The following TAFA5 variants were observed in gnomAD, a reference collection of about 807,000 sequenced individuals.
TAFA5 encodes the protein TAFA chemokine like family member 5.
Under a neutral mutation model 15.3 loss-of-function variants are expected in TAFA5, and 6 were observed. The ratio of observed to expected loss-of-function variants is 0.39; its 90% CI spans 0.21 to 0.77. The LOEUF is 0.77. Ranked by LOEUF, TAFA5 falls within the 30% of genes least tolerant of loss-of-function variation. TAFA5 has a pLI of 0.41. For synonymous variants in TAFA5, 103 were observed against 80.7 expected, an observed-to-expected ratio of 1.28 and a Z score of -1.48; for missense variants, 161 against 193.1, an observed-to-expected ratio of 0.83 and a Z score of 0.98.
chr22:48,554,337 C>A (rs2147128259), intron 1 of TAFA5, among the ~76,000 whole-genome samples: 1 of 152,276 alleles, frequency 6.6e-6, no homozygotes, highest in African/African-American at 2.4e-5. Context: ...ATGAAGCTTT[C>A]CCATTTACTT....
chr22:48,532,968 G>A lies in TAFA5; in HGVS notation c.112+43264G>A, dbSNP rs539444751. On this transcript the variant is annotated intron_variant, in intron 1 of 3. Coordinates refer to ENST00000402357, the MANE Select transcript of TAFA5 (RefSeq NM_001082967.3). ...TCCAGACACTTGCCAAGGTCCCACC[G>A]CCTGTGGGTGGTAGAGCTTGAAGTG... Among the ~76,000 whole-genome samples, 82 of 152,350 alleles carry A rather than the reference G, an allele frequency of 5.4e-4. 1 individual carries two copies. The highest frequency in any genetic ancestry group is 1.9e-3 in the African/African-American group (78 of 41,580).
At chr22:48,699,173 T>C (rs1359084272) in intron 2 of TAFA5, among the ~76,000 whole-genome samples, 1 of 152,084 alleles carries the variant, frequency 6.6e-6, no homozygotes, top group African/African-American at 2.4e-5. Context: ...CCTCAGGTGA[T>C]CGACTAGCCT....
intron 1 of TAFA5, among the ~76,000 whole-genome samples, chr22:48,514,580 G>A (rs1921337247): frequency 6.6e-6 from 1 of 152,068 alleles, no homozygotes; most frequent in Non-Finnish European, 1.5e-5. Flanking sequence ...GAACCGCCCT[G>A]CAGACCCTGC....
At chr22:48,540,377 C>G (rs933939058) in intron 1 of TAFA5, among the ~76,000 whole-genome samples, 1 of 152,140 alleles carries the variant, frequency 6.6e-6, no homozygotes, top group African/African-American at 2.4e-5. Context: ...TGCCTGGACC[C>G]CCAGAGAATC....
chr22:48,663,792 C>A (rs1179872662), intron 2 of TAFA5, among the ~76,000 whole-genome samples: 2 of 152,180 alleles, frequency 1.3e-5, no homozygotes, highest in Non-Finnish European at 2.9e-5. Context: ...CACTAAGTAG[C>A]CGTCTTGGTT....
At position 48,667,820 on chromosome 22, in the gene TAFA5, A is replaced by G. The variant is rs1304866039; in HGVS notation, c.262+21074A>G. Among the ~76,000 whole-genome samples the G allele has an allele frequency of 0.012, 80 of 6,410 alleles. No individual in the cohort carries two copies. In the East Asian group the frequency reaches 0.29, roughly 23 times the overall value. 4.2% of individuals were successfully genotyped at this position (6,410 alleles called of 152,430 possible). A position where few individuals can be genotyped will look rare whatever the true frequency, so the allele number is the denominator to read the frequency against. On this transcript the variant is annotated intron_variant, in intron 2 of 3. Transcript: ENST00000402357. ...GACCGCGTCTTCACCGGGAGCGTTA[A>G]TCCCCCAGCACTCAGGGCCGCGTCT...
chr22:48,672,453 CAG>C (rs1927831461), intron 2 of TAFA5, among the ~76,000 whole-genome samples: 1 of 152,068 alleles, frequency 6.6e-6, no homozygotes, highest in South Asian at 2.1e-4. Flanking sequence ...TTACATTTAT[CAG>C]GGGAAAAAAA....
At chr22:48,565,977 T>C (rs917755191) in intron 1 of TAFA5, among the ~76,000 whole-genome samples, 1 of 151,678 alleles carries the variant, frequency 6.6e-6, no homozygotes, top group Non-Finnish European at 1.5e-5. Flanking sequence ...GATGGGTGGA[T>C]GGATGGATGG....
Position 48,734,957 on chromosome 22 carries a change from A to AG in TAFA5, c.391-14878dup, listed in dbSNP as rs895721694. Among the ~76,000 whole-genome samples the AG allele has an allele frequency of 6.0e-4, 92 of 152,324 alleles. 1 individual carries two copies. Among genetic ancestry groups the AG allele is most frequent in the African/African-American group, 2.1e-3 (87 of 41,580 alleles). On this transcript the variant is annotated intron_variant, in intron 3 of 3. Coordinates refer to ENST00000402357, the MANE Select transcript of TAFA5 (RefSeq NM_001082967.3). ...CTCTGAGATGACCAGGAGGAAGTGG[A>AG]GGGGAATATTGATCTGCATGTGGCG...
In TAFA5 at chr22:48,489,736, G is replaced by GT. The variant is rs1928073390; in HGVS notation, c.112+32_112+33insT. The GT allele has an allele frequency of 7.6e-7, 1 of 1,317,282 alleles. No individual in the cohort carries two copies. Among genetic ancestry groups the GT allele is most frequent in the Admixed American group, 3.2e-5 (1 of 31,602 alleles). 81.6% of individuals were successfully genotyped at this position (1,317,282 alleles called of 1,614,324 possible). A position where few individuals can be genotyped will look rare whatever the true frequency, so the allele number is the denominator to read the frequency against. On this transcript the variant is annotated intron_variant, in intron 1 of 3. Transcript: ENST00000402357. This position sits in a 1 kb window ranked among gnomAD's most constrained non-coding sequence, Gnocchi z 5.5. ...ACCGCGCGGCCCCGGCCCCGGCACGGCCCTCTGGGCCCCGGACCCCCTCCT... is the reference window on the plus strand; with the variant it reads ...ACCGCGCGGCCCCGGCCCCGGCACGGTCCCTCTGGGCCCCGGACCCCCTCCT...
chr22:48,718,310 AG>A lies in TAFA5; in HGVS notation c.390+10467del, dbSNP rs146513570. On this transcript the variant is annotated intron_variant, in intron 3 of 3. Transcript: ENST00000402357. ...AGCAAAGGCCGGGGCTGCTGGAGGA[AG>A]AAGGGGGATGCTGTAGCTGAACACT... Among the ~76,000 whole-genome samples, 1,469 of 152,214 alleles carry A rather than the reference AG, an allele frequency of 9.7e-3. 27 individuals carry two copies. The highest frequency in any genetic ancestry group is 0.032 in the African/African-American group (1,335 of 41,522).
intron 2 of TAFA5, among the ~76,000 whole-genome samples, chr22:48,663,268 A>G (rs1358901210): frequency 7.9e-5 from 12 of 152,222 alleles, no homozygotes; most frequent in Admixed American, 7.8e-4. Flanking sequence ...CTGCTTCTCA[A>G]GGTCAAGCCA....
intron 1 of TAFA5, among the ~76,000 whole-genome samples, chr22:48,496,074 T>G (rs1309509062): frequency 6.6e-6 from 1 of 152,206 alleles, no homozygotes; most frequent in African/African-American, 2.4e-5. Flanking sequence ...CAGGAAGGCA[T>G]GGTGAGCTAG....
intron 1 of TAFA5, among the ~76,000 whole-genome samples, chr22:48,497,097 C>G (rs1928354830): frequency 2.6e-5 from 4 of 152,198 alleles, no homozygotes; most frequent in Non-Finnish European, 5.9e-5. Context: ...CCTCCCGGTG[C>G]CAGCTCCACT....
chr22:48,660,651 G>C (rs899826490), intron 2 of TAFA5, among the ~76,000 whole-genome samples: 1 of 152,244 alleles, frequency 6.6e-6, no homozygotes, highest in African/African-American at 2.4e-5. Context: ...ACCTCGTGGA[G>C]GCAGATGACT....
chr22:48,638,168 C>G (rs1006626061), intron 1 of TAFA5, among the ~76,000 whole-genome samples: 2 of 152,082 alleles, frequency 1.3e-5, no homozygotes, highest in South Asian at 2.1e-4. Flanking sequence ...TGGCGTTGCT[C>G]ACAACTTCGT....
At chr22:48,660,985 G>C (rs1343110556) in intron 2 of TAFA5, among the ~76,000 whole-genome samples, 2 of 152,184 alleles carry the variant, frequency 1.3e-5, no homozygotes, top group Non-Finnish European at 1.5e-5. Context: ...CGCAGGAGCA[G>C]GCACAGTGAA....
intron 3 of TAFA5, among the ~76,000 whole-genome samples, chr22:48,727,266 T>C (rs1929741630): frequency 1.3e-5 from 2 of 152,194 alleles, no homozygotes; most frequent in Non-Finnish European, 2.9e-5. Context: ...ATATACTCTG[T>C]ATATTATGAA....
At chr22:48,662,331 G>A (rs1164371551) in intron 2 of TAFA5, among the ~76,000 whole-genome samples, 2 of 152,156 alleles carry the variant, frequency 1.3e-5, no homozygotes, top group East Asian at 3.9e-4. Context: ...AGCCTCGGGG[G>A]TGCCAGGAAG....
Sources: allele counts gnomAD v4.1 joint callset (sites outside exome capture counted in the v4.1 genomes callset), GRCh38; gene constraint gnomAD v4.1.1; non-coding constraint Gnocchi (gnomAD v3.1); transcripts MANE v1.5; gene names NCBI Gene and HGNC (gene_info 2026-07-23, HGNC 2026-07-21).